Variants in HECTD2 observed in about 807,000 individuals in gnomAD.
HECTD2 encodes the protein probable E3 ubiquitin-protein ligase HECTD2.
HECTD2 carries 35 observed loss-of-function variants against 103.2 expected under a neutral mutation model. The ratio of observed to expected loss-of-function variants is 0.34; its 90% CI spans 0.26 to 0.45. The LOEUF (loss-of-function observed/expected upper bound fraction) is 0.45. Ranked by LOEUF, HECTD2 falls within the 20% of genes least tolerant of loss-of-function variation. HECTD2 has a pLI of 1.00. For missense variants in HECTD2, 596 were observed against 937.4 expected (o/e 0.64, Z 4.76); for synonymous variants, 281 against 329.9 (o/e 0.85, Z 1.61).
intron 6 of HECTD2, 145 bp downstream of exon 6, chr10:91,478,410 C>A: frequency 3.5e-6 from 2 of 578,802 alleles, no homozygotes; most frequent in Non-Finnish European, 3.0e-6. Context: ...GAATTATAAG[C>A]CATTTACAAC....
At chr10:91,429,512 C>G (rs1416046174) in intron 2 of HECTD2, among the ~76,000 whole-genome samples, 1 of 152,040 alleles carries the variant, frequency 6.6e-6, no homozygotes, top group Non-Finnish European at 1.5e-5. Flanking sequence ...TGGTCCTGGA[C>G]TCTTTTTGGT....
At chr10:91,419,251 G>C (rs1340745327) in intron 1 of HECTD2, among the ~76,000 whole-genome samples, 1 of 152,140 alleles carries the variant, frequency 6.6e-6, no homozygotes, top group Non-Finnish European at 1.5e-5. Context: ...AACCATGGTT[G>C]TTATTCTTAT....
chr10:91,457,910 C>T (rs189111917), intron 2 of HECTD2, among the ~76,000 whole-genome samples: 21 of 151,138 alleles, frequency 1.4e-4, no homozygotes, highest in African/African-American at 5.1e-4. Flanking sequence ...TTATTCATCT[C>T]AGTGCTGCAA....
At chr10:91,435,305 G>A (rs1418472057) in intron 2 of HECTD2, among the ~76,000 whole-genome samples, 3 of 151,858 alleles carry the variant, frequency 2.0e-5, no homozygotes, top group Non-Finnish European at 4.4e-5. Flanking sequence ...CTGCAGTTGA[G>A]ACTATTAGAT....
At chr10:91,419,449 T>C (rs1843262760) in intron 1 of HECTD2, among the ~76,000 whole-genome samples, 1 of 152,182 alleles carries the variant, frequency 6.6e-6, no homozygotes, top group East Asian at 1.9e-4. Context: ...TTGAGATTAT[T>C]TTATATTATA....
At chr10:91,503,328 C>T (rs1846982764) in intron 20 of HECTD2, among the ~76,000 whole-genome samples, 1 of 152,210 alleles carries the variant, frequency 6.6e-6, no homozygotes, top group Admixed American at 6.5e-5. Flanking sequence ...CTGAGCGACG[C>T]AGAAGATGGG....
At chr10:91,492,098 G>GA (rs1169582076) in intron 12 of HECTD2, among the ~76,000 whole-genome samples, 1 of 152,102 alleles carries the variant, frequency 6.6e-6, no homozygotes, top group Non-Finnish European at 1.5e-5. Context: ...TTAAAAATTT[G>GA]AAGGCAGTAG....
intron 7 of HECTD2, among the ~76,000 whole-genome samples, chr10:91,481,508 G>A (rs1448363530): frequency 1.3e-5 from 2 of 150,810 alleles, no homozygotes; most frequent in East Asian, 1.9e-4. Flanking sequence ...ACAGGCTTCA[G>A]GATTTTCTTT....
chr10:91,451,397 C>T (rs1160711057), intron 2 of HECTD2, among the ~76,000 whole-genome samples: 1 of 151,972 alleles, frequency 6.6e-6, no homozygotes, highest in African/African-American at 2.4e-5. Flanking sequence ...GGAGGGATAG[C>T]ATTAGGAGAA....
chr10:91,462,028 G>T, intron 4 of HECTD2, 67 bp from the exon 5 acceptor site: 2 of 1,213,446 alleles, frequency 1.6e-6, no homozygotes, highest in Middle Eastern at 1.9e-4. Flanking sequence ...GAATAGTATG[G>T]TTCAAATTTT....
At chr10:91,413,762 C>A (rs531537107) in intron 1 of HECTD2, among the ~76,000 whole-genome samples, 1 of 152,078 alleles carries the variant, frequency 6.6e-6, no homozygotes, top group African/African-American at 2.4e-5. Flanking sequence ...AGAAATCAGG[C>A]GTGGTGGGGA....
At chr10:91,508,166 A>C (rs1370043820) in intron 20 of HECTD2, among the ~76,000 whole-genome samples, 1 of 121,550 alleles carries the variant, frequency 8.2e-6, no homozygotes, top group Non-Finnish European at 1.6e-5. Context: ...AACCATAAAA[A>C]CCCTAGAAGA....
chr10:91,461,493 A>T, intron 4 of HECTD2, 137 bp downstream of exon 4: 1 of 423,994 alleles, frequency 2.4e-6, no homozygotes, highest in Non-Finnish European at 4.2e-6. Flanking sequence ...ATTATACAAT[A>T]CATACAATTA....
intron 1 of HECTD2, among the ~76,000 whole-genome samples, chr10:91,416,576 A>G (rs1843135524): frequency 7.3e-6 from 1 of 137,026 alleles, no homozygotes; most frequent in Non-Finnish European, 1.5e-5. Context: ...GATTTGTATA[A>G]GTACACTCTG....
chr10:91,420,052 G>T (rs1318460728), intron 1 of HECTD2, among the ~76,000 whole-genome samples: 1 of 151,726 alleles, frequency 6.6e-6, no homozygotes, highest in East Asian at 1.9e-4. Flanking sequence ...AATGATGCCC[G>T]TTTTTTTTCT....
intron 2 of HECTD2, among the ~76,000 whole-genome samples, chr10:91,432,581 T>C (rs1473681109): frequency 6.6e-6 from 1 of 151,934 alleles, no homozygotes; most frequent in African/African-American, 2.4e-5. Context: ...TTTCTAAAGT[T>C]ATGATGCCCC....
At chr10:91,492,643 T>G (rs1425408604) in intron 13 of HECTD2, among the ~76,000 whole-genome samples, 159 bp downstream of exon 13, 2 of 152,198 alleles carry the variant, frequency 1.3e-5, no homozygotes, top group East Asian at 3.8e-4. Flanking sequence ...TTTTAAAAAC[T>G]TGTTTGACCG....
intron 20 of HECTD2, among the ~76,000 whole-genome samples, chr10:91,505,640 A>G (rs1314270343): frequency 1.3e-5 from 2 of 150,646 alleles, no homozygotes; most frequent in African/African-American, 2.4e-5. Flanking sequence ...TGAGTGACCT[A>G]CAAAGAGACT....
intron 2 of HECTD2, among the ~76,000 whole-genome samples, chr10:91,444,238 G>A (rs1422030867): frequency 6.6e-6 from 1 of 152,040 alleles, no homozygotes; most frequent in Admixed American, 6.6e-5. Flanking sequence ...TTCACACACA[G>A]AGCATATATA....
Sources: allele counts gnomAD v4.1 joint callset (sites outside exome capture counted in the v4.1 genomes callset), GRCh38; gene constraint gnomAD v4.1.1; transcripts MANE v1.5; gene names NCBI Gene and HGNC (gene_info 2026-07-23, HGNC 2026-07-21).